ZFHX3: variants seen among roughly 807,000 people sequenced by gnomAD.
The protein encoded by ZFHX3 is zinc finger homeobox protein 3.
In ZFHX3, 42 loss-of-function variants were observed where a neutral mutation model predicts 279.1. The observed-to-expected ratio is 0.15, with a 90% CI of 0.12 to 0.19. ZFHX3 has a LOEUF of 0.19. Among genes scored for constraint, ZFHX3 ranks in the 10% least tolerant of loss-of-function variants. ZFHX3 has a pLI of 1.00. For synonymous variants in ZFHX3, 2,293 were observed against 1,957.8 expected, an observed-to-expected ratio of 1.17 and a Z score of -4.52; for missense variants, 4,981 against 4,754.0, an observed-to-expected ratio of 1.05 and a Z score of -1.40.
At chr16:73,270,482 A>G (rs970943510) in intron 4 of ZFHX3, among the ~76,000 whole-genome samples, 1 of 152,224 alleles carries the variant, frequency 6.6e-6, no homozygotes, top group Non-Finnish European at 1.5e-5. Context: ...CATCGCCCAC[A>G]GCACCCAGCC....
chr16:73,471,259 A>G (rs2018661251), intron 2 of ZFHX3, among the ~76,000 whole-genome samples: 1 of 152,234 alleles, frequency 6.6e-6, no homozygotes, highest in Non-Finnish European at 1.5e-5. Flanking sequence ...AGTGGAGCAC[A>G]GATGTACCTT....
chr16:73,040,995 G>C (rs979901601), intron 1 of ZFHX3, among the ~76,000 whole-genome samples: 1 of 152,236 alleles, frequency 6.6e-6, no homozygotes, highest in Non-Finnish European at 1.5e-5. Flanking sequence ...AAGGCCCATA[G>C]CAGAGGAAAG....
chr16:73,210,577 T>A (rs1409885526), intron 5 of ZFHX3, among the ~76,000 whole-genome samples: 1 of 152,184 alleles, frequency 6.6e-6, no homozygotes, highest in African/African-American at 2.4e-5. Flanking sequence ...GAGTTATTCC[T>A]ATTGACCTGA....
chr16:73,115,416 G>T (rs892187524), intron 7 of ZFHX3, among the ~76,000 whole-genome samples: 1 of 151,738 alleles, frequency 6.6e-6, no homozygotes, highest in Admixed American at 6.6e-5. Flanking sequence ...GGGTGTGGTG[G>T]CGTGTGCCTA....
At chr16:72,858,832 G>A (rs1389938918) in intron 4 of ZFHX3, among the ~76,000 whole-genome samples, 1 of 152,240 alleles carries the variant, frequency 6.6e-6, no homozygotes, top group Middle Eastern at 3.2e-3. Flanking sequence ...GCCCTGCAGC[G>A]GGTCAGGGCT....
chr16:73,657,537 G>C (rs1304076213), intron 2 of ZFHX3, among the ~76,000 whole-genome samples: 1 of 152,116 alleles, frequency 6.6e-6, no homozygotes, highest in African/African-American at 2.4e-5. Flanking sequence ...CACAATCAAT[G>C]TTAGAACATT....
rs150256390 is a variant in ZFHX3, at chr16:72,797,765, A to C, written c.4917T>G (p.Thr1639=). The C allele has an allele frequency of 3.1e-4, 499 of 1,613,998 alleles. No individual in the cohort carries two copies. Among genetic ancestry groups the C allele is most frequent in the South Asian group, 3.8e-4 (35 of 91,088 alleles). ...TCAAGGAAATACTGCTGCTGTTCCC[A>C]GTCCCATTGCTGCTGCCACTTGCAG... ...LEAASGSSNG[T]GNSSSISLSS... Residue 1639 remains threonine (T), a synonymous_variant, in exon 9 of 10, where the codon ACT becomes ACG. Transcript: ENST00000268489.
At chr16:73,107,328 A>G (rs1966317503) in intron 7 of ZFHX3, among the ~76,000 whole-genome samples, 1 of 151,976 alleles carries the variant, frequency 6.6e-6, no homozygotes, top group Non-Finnish European at 1.5e-5. Context: ...ATAAAATAAA[A>G]TAAAATATAA....
intron 1 of ZFHX3, among the ~76,000 whole-genome samples, chr16:73,682,367 G>A (rs987169529): frequency 9.2e-5 from 14 of 151,988 alleles, no homozygotes; most frequent in Admixed American, 9.2e-4. Flanking sequence ...AGGCACATGG[G>A]AATGTTGTTT....
At chr16:73,023,058 T>C (rs542381803) in intron 1 of ZFHX3, among the ~76,000 whole-genome samples, 20 of 151,960 alleles carry the variant, frequency 1.3e-4, no homozygotes, top group Non-Finnish European at 7.4e-5. Context: ...CAAAACCCCA[T>C]CTCTACTAAA....
intron 6 of ZFHX3, among the ~76,000 whole-genome samples, chr16:73,131,962 T>C (rs1455994427): frequency 6.6e-6 from 1 of 152,088 alleles, no homozygotes; most frequent in African/African-American, 2.4e-5. Context: ...TGCTAGGTAT[T>C]ATTATTGGCT....
intron 3 of ZFHX3, among the ~76,000 whole-genome samples, chr16:73,385,328 G>A (rs2016880229): frequency 6.6e-6 from 1 of 152,140 alleles, no homozygotes; most frequent in Admixed American, 6.5e-5. Flanking sequence ...CTGTGGCTGA[G>A]CAATTAGGGC....
rs530607547 is a variant in ZFHX3 at position 73,208,237 on chromosome 16, A to G, written c.-1104+48810T>C. Among the ~76,000 whole-genome samples the G allele has an allele frequency of 2.0e-5, 3 of 152,366 alleles. No individual in the cohort carries two copies. The South Asian group carries it at 6.2e-4, about 32-fold the overall frequency. ...ATAATAACAGTGGGATAGTTAGCAA[A>G]TTATGTTACATCCATATGATAAAAT... On this transcript the variant is annotated intron_variant, in intron 5 of 17. Transcript: ENST00000641206.
chr16:73,660,822 A>G (rs535792091), intron 2 of ZFHX3, among the ~76,000 whole-genome samples: 1 of 152,326 alleles, frequency 6.6e-6, no homozygotes, highest in African/African-American at 2.4e-5. Context: ...TAAAATAAAC[A>G]TCTCTAAACT....
At chr16:72,961,109 C>T (rs911127489) in intron 1 of ZFHX3, among the ~76,000 whole-genome samples, 1 of 152,218 alleles carries the variant, frequency 6.6e-6, no homozygotes, top group African/African-American at 2.4e-5. Context: ...TCTGCCAACA[C>T]CCCCTCCAGC....
chr16:73,323,006 G>A (rs1251326297), intron 3 of ZFHX3, among the ~76,000 whole-genome samples: 8 of 152,192 alleles, frequency 5.3e-5, no homozygotes, highest in Admixed American at 1.3e-4. Context: ...TCCTTACAAC[G>A]TTGGGGATGA....
chr16:73,151,637 A>AG lies in ZFHX3; in HGVS notation c.-1103-7807dup, dbSNP rs536886381. On this transcript the variant is annotated intron_variant, in intron 5 of 17. Coordinates refer to the ZFHX3 transcript ENST00000641206. Reference sequence around the variant, plus strand: ...ACTCCTCCAGGAGCCTTCATTCTGCAGGTGCCCGAGAAATAAAAACACATT... The same window carrying AG: ...ACTCCTCCAGGAGCCTTCATTCTGCAGGGTGCCCGAGAAATAAAAACACATT... 1.7e-3 allele frequency among the ~76,000 whole-genome samples: 255 copies of AG among 152,276 alleles called. 1 individual carries two copies. The highest frequency in any genetic ancestry group is 3.1e-3 in the Non-Finnish European group (209 of 68,020).
intron 3 of ZFHX3, among the ~76,000 whole-genome samples, chr16:73,319,112 T>TG (rs1305979267): frequency 2.5e-3 from 166 of 65,616 alleles, no homozygotes; most frequent in South Asian, 0.016. Flanking sequence ...AGGTGTGGAA[T>TG]GGGGGGGGCA....
chr16:73,347,545 G>A (rs2016145560), intron 3 of ZFHX3, among the ~76,000 whole-genome samples: 1 of 152,238 alleles, frequency 6.6e-6, no homozygotes, highest in Non-Finnish European at 1.5e-5. Context: ...GGAGCAGGGA[G>A]GCTCAGTGAG....
Sources: gnomAD v4.1 joint callset for allele counts (sites outside exome capture counted in the v4.1 genomes callset) on GRCh38, gnomAD v4.1.1 for gene constraint, MANE v1.5 for transcripts, NCBI Gene and HGNC (gene_info 2026-07-23, HGNC 2026-07-21) for gene names.